Variants in CEP170 observed in about 807,000 individuals in gnomAD.
CEP170 encodes the protein centrosomal protein 170, also known as centrosomal protein of 170 kDa.
In CEP170, 21 loss-of-function variants were observed where a neutral mutation model predicts 151.9. That is an observed-to-expected ratio of 0.14 (90% CI 0.10 to 0.20). The LOEUF (loss-of-function observed/expected upper bound fraction) is 0.20. Ranked by LOEUF, CEP170 falls within the 10% of genes least tolerant of loss-of-function variation. CEP170 has a pLI of 1.00. For synonymous variants in CEP170, 356 were observed against 648.8 expected (o/e 0.55, Z 6.86); for missense variants, 964 against 1,892.9 (o/e 0.51, Z 9.11).
intron 4 of CEP170, among the ~76,000 whole-genome samples, chr1:243,201,991 T>C (rs2061069681): frequency 6.6e-6 from 1 of 152,116 alleles, no homozygotes; most frequent in Non-Finnish European, 1.5e-5. Flanking sequence ...ACACATCTCA[T>C]AACTAAGTAT....
chr1:243,198,668 TATG>T (rs2060819735), intron 7 of CEP170, among the ~76,000 whole-genome samples: 1 of 152,040 alleles, frequency 6.6e-6, no homozygotes. Context: ...ATTTTAAAAA[TATG>T]ATTATATTCT....
intron 1 of CEP170, among the ~76,000 whole-genome samples, chr1:243,247,068 T>C (rs776732620): frequency 3.9e-5 from 6 of 152,200 alleles, no homozygotes; most frequent in Non-Finnish European, 7.3e-5. Context: ...AATCAGTTTC[T>C]AGCTGGCTGC....
At chr1:243,224,110 G>A (rs1362565160) in intron 2 of CEP170, among the ~76,000 whole-genome samples, 1 of 152,122 alleles carries the variant, frequency 6.6e-6, no homozygotes, top group East Asian at 1.9e-4. Context: ...ACCAGAAGGT[G>A]CATGACAACT....
intron 4 of CEP170, among the ~76,000 whole-genome samples, chr1:243,203,583 C>T (rs2061202712): frequency 6.6e-6 from 1 of 151,988 alleles, no homozygotes; most frequent in African/African-American, 2.4e-5. Flanking sequence ...ACATATCTTT[C>T]AAAAATCATG....
At chr1:243,230,624 T>C (rs757608483) in intron 1 of CEP170, among the ~76,000 whole-genome samples, 3 of 152,060 alleles carry the variant, frequency 2.0e-5, no homozygotes, top group Non-Finnish European at 4.4e-5. Flanking sequence ...AAAAACTCAA[T>C]AGAGGGGCTC....
intron 1 of CEP170, among the ~76,000 whole-genome samples, chr1:243,244,965 A>G (rs1210266753): frequency 2.0e-5 from 3 of 152,222 alleles, no homozygotes; most frequent in African/African-American, 7.2e-5. Context: ...GACTATATAC[A>G]TGTTAAAATC....
Position 243,164,493 on chromosome 1 carries a change from G to T in CEP170, c.3467C>A (p.Thr1156Lys). Residue 1156 changes from threonine to lysine, a missense_variant, in exon 13 of 20, where the codon ACA (threonine) becomes AAA (lysine). Physicochemically the swap from Thr to Lys is moderately conservative, Grantham distance 78. Coordinates refer to ENST00000366542, the MANE Select transcript of CEP170 (RefSeq NM_014812.3). ...ACGAGCTGACAGTGAGCCAAGTCGT[G>T]TTCTACGAGGCTGAGCCAATAAATC... ...RIDLLAQPRRTRLGSLSARSD... is the reference protein window; with the variant it reads ...RIDLLAQPRRKRLGSLSARSD... The T allele has an allele frequency of 6.2e-7, 1 of 1,609,642 alleles. No individual in the cohort carries two copies. Among genetic ancestry groups the T allele is most frequent in the South Asian group, 1.1e-5 (1 of 90,728 alleles).
rs768725591 is a variant in CEP170, at chr1:243,221,721, T to C, written c.195+3A>G. The C allele has an allele frequency of 3.1e-6, 5 of 1,609,108 alleles. No individual in the cohort carries two copies. Among genetic ancestry groups the C allele is most frequent in the Non-Finnish European group, 2.5e-6 (3 of 1,178,184 alleles). On this transcript the variant is annotated splice_donor_region_variant and intron_variant, in intron 3 of 19. Coordinates refer to ENST00000366542, the MANE Select transcript of CEP170 (RefSeq NM_014812.3). ...CAAGACAAAAAATAAACCATTGACT[T>C]ACCCCATTGAGGCTGCCCAAATCCT... is the stretch of plus-strand genomic sequence containing the variant.
intron 8 of CEP170, among the ~76,000 whole-genome samples, chr1:243,190,590 T>C (rs9969992): frequency 0.084 from 12,766 of 152,168 alleles, 1,236 homozygotes; most frequent in African/African-American, 0.22. Context: ...ATTACCAAAG[T>C]AGAACTTTTG....
rs1219269966 is a variant in CEP170 at position 243,255,200 on chromosome 1, C to A, written c.-202G>T. 6.5e-6 allele frequency: 1 copy of A among 152,880 alleles called. No homozygotes were observed. The highest frequency in any genetic ancestry group is 1.5e-5 in the Non-Finnish European group (1 of 68,244). 9.5% of individuals were successfully genotyped at this position (152,880 alleles called of 1,614,324 possible). A position where few individuals can be genotyped will look rare whatever the true frequency, so the allele number is the denominator to read the frequency against. On this transcript the variant is annotated 5_prime_UTR_variant, in exon 1 of 20. Coordinates refer to ENST00000366542, the MANE Select transcript of CEP170 (RefSeq NM_014812.3). ...CTCCGGGGCCCTCAGCTCCGCTGGG[C>A]AATAACGTTATTCCACACACGCCCC...
chr1:243,128,249 C>T lies in CEP170; in HGVS notation c.4465G>A (p.Ala1489Thr). The change falls in exon 19 of 20, where the codon GCA becomes ACA. Residue 1489 changes from alanine to threonine, a missense_variant and splice_region_variant. Transcript: ENST00000366542. The part of the protein sequence containing the change: ...ELKRVEKQLQ[A>T]INAMIDPDGT... ...ATACTTAATTCAGTAGTAAATTTAC[C>T]TTGCAGCTGCTTTTCTACTCTTTTC... is the stretch of plus-strand genomic sequence containing the variant. 1 of 1,584,196 alleles carries T rather than the reference C, an allele frequency of 6.3e-7. No individual in the cohort carries two copies. The highest frequency in any genetic ancestry group is 8.6e-7 in the Non-Finnish European group (1 of 1,169,344).
intron 1 of CEP170, among the ~76,000 whole-genome samples, chr1:243,250,780 T>A (rs2065866471): frequency 6.6e-6 from 1 of 152,220 alleles, no homozygotes; most frequent in Admixed American, 6.5e-5. Context: ...CTCTCTCTGC[T>A]TTTTGCTTTG....
rs2066521202 is a variant in CEP170, at chr1:243,255,178, C to G, written c.-180G>C. The G allele has an allele frequency of 6.5e-6, 1 of 153,104 alleles. No homozygotes were observed. The highest frequency in any genetic ancestry group is 6.5e-5 in the Admixed American group (1 of 15,288). 9.5% of individuals were successfully genotyped at this position (153,104 alleles called of 1,614,324 possible). A position where few individuals can be genotyped will look rare whatever the true frequency, so the allele number is the denominator to read the frequency against. Reference sequence around the variant, plus strand: ...CGTCGCTGCCGCTGCGGTCGAGCTCCGGGGCCCTCAGCTCCGCTGGGCAAT... The same window carrying G: ...CGTCGCTGCCGCTGCGGTCGAGCTCGGGGGCCCTCAGCTCCGCTGGGCAAT... On this transcript the variant is annotated 5_prime_UTR_variant, in exon 1 of 20. Transcript: ENST00000366542.
chr1:243,170,017 T>C (rs949161237), intron 11 of CEP170, among the ~76,000 whole-genome samples: 2 of 152,206 alleles, frequency 1.3e-5, no homozygotes, highest in African/African-American at 4.8e-5. Flanking sequence ...ATATGAAAAC[T>C]GTAATGACAA....
At chr1:243,168,700 T>C (rs2148586145) in intron 12 of CEP170, among the ~76,000 whole-genome samples, 1 of 152,046 alleles carries the variant, frequency 6.6e-6, no homozygotes, top group East Asian at 1.9e-4. Flanking sequence ...TTGTACCTTT[T>C]GACCATCATC....
chr1:243,219,932 T>C (rs2062637925), intron 3 of CEP170, among the ~76,000 whole-genome samples: 2 of 152,208 alleles, frequency 1.3e-5, no homozygotes, highest in African/African-American at 2.4e-5. Context: ...GTAGATTTAA[T>C]ACCAGGCTGA....
intron 3 of CEP170, among the ~76,000 whole-genome samples, chr1:243,216,195 C>CT (rs1013744522): frequency 6.6e-6 from 1 of 151,988 alleles, no homozygotes; most frequent in Non-Finnish European, 1.5e-5. Flanking sequence ...TTATTCTTTC[C>CT]TTTTTTAAAT....
At chr1:243,189,697 A>G (rs937136901) in intron 8 of CEP170, among the ~76,000 whole-genome samples, 2 of 151,944 alleles carry the variant, frequency 1.3e-5, no homozygotes, top group Non-Finnish European at 2.9e-5. Context: ...GTTTTTGTTT[A>G]TTAAGAGTGG....
intron 3 of CEP170, among the ~76,000 whole-genome samples, chr1:243,215,447 T>C (rs916261613): frequency 6.6e-6 from 1 of 152,174 alleles, no homozygotes; most frequent in Non-Finnish European, 1.5e-5. Context: ...GAGAATGCGT[T>C]CCTAGTGGGA....
Sources: gnomAD v4.1 joint callset for allele counts (sites outside exome capture counted in the v4.1 genomes callset) on GRCh38, gnomAD v4.1.1 for gene constraint, MANE v1.5 for transcripts, NCBI Gene and HGNC (gene_info 2026-07-23, HGNC 2026-07-21) for gene names.